ZC3H13: variants seen among roughly 807,000 people sequenced by gnomAD.
ZC3H13 encodes the protein zinc finger CCCH domain-containing protein 13.
In ZC3H13, 64 loss-of-function variants were observed where a neutral mutation model predicts 204.1. The ratio of observed to expected loss-of-function variants is 0.31; its 90% confidence interval spans 0.26 to 0.39. ZC3H13 has a LOEUF of 0.39. Ranked by LOEUF, ZC3H13 falls within the 10% of genes least tolerant of loss-of-function variation. ZC3H13 has a pLI of 1.00. For missense variants in ZC3H13, 1,833 were observed against 2,082.7 expected (o/e 0.88, Z 2.33); for synonymous variants, 667 against 693.7 (o/e 0.96, Z 0.60).
Position 45,988,769 on chromosome 13 carries a change from T to A in ZC3H13, c.1255+18A>T, listed in dbSNP as rs1192457873. 1 of 1,577,016 alleles carries A rather than the reference T, an allele frequency of 6.3e-7. No homozygotes were observed. Among genetic ancestry groups the A allele is most frequent in the East Asian group, 2.3e-5 (1 of 44,354 alleles). ...ATGTTCAATTTTTCAATTAAAAAAA[T>A]CAAAGTACAGTACACACCTTCCCTC... On this transcript the variant is annotated intron_variant, in intron 9 of 18. Transcript: ENST00000679008.
chr13:45,956,394 G>A lies in ZC3H13; in HGVS notation c.*733C>T, dbSNP rs980062959. On this transcript the variant is annotated 3_prime_UTR_variant, in exon 19 of 19. Coordinates refer to ENST00000679008, the MANE Select transcript of ZC3H13 (RefSeq NM_001330564.2). ...GAAACATGTAATGTTGATGACTAAT[G>A]TTCTAGATCATCAGGAATAAGATTA... The A allele has an allele frequency of 1.3e-5, 2 of 152,064 alleles. No homozygotes were observed. Among genetic ancestry groups the A allele is most frequent in the African/African-American group, 4.8e-5 (2 of 41,408 alleles). The allele number at this position is 152,064 out of a possible 1,614,324, so 9.4% of individuals were successfully genotyped here. A position where few individuals can be genotyped will look rare whatever the true frequency, so the allele number is the denominator to read the frequency against.
Position 45,957,314 on chromosome 13 carries a change from A to G in ZC3H13, c.4840-17T>C, listed in dbSNP as rs183934306. 2.9e-4 allele frequency: 422 copies of G among 1,464,290 alleles called. 5 individuals carry two copies. In the East Asian group the frequency reaches 8.1e-3, roughly 28 times the overall value. The allele number at this position is 1,464,290 out of a possible 1,614,324, so 90.7% of individuals were successfully genotyped here. A position where few individuals can be genotyped will look rare whatever the true frequency, so the allele number is the denominator to read the frequency against. On this transcript the variant is annotated splice_polypyrimidine_tract_variant and intron_variant, in intron 18 of 18. Transcript: ENST00000679008. ...TATGGTGCCCTATTTGAAGAAAACA[A>G]AAACAAACTTTAAAAAAGATGTACA...
At chr13:46,044,476 C>A (rs2404732) in intron 3 of ZC3H13, among the ~76,000 whole-genome samples, 117,465 of 152,032 alleles carry the variant, frequency 0.77, 45,753 homozygotes, top group African/African-American at 0.86. Flanking sequence ...CATATAAATA[C>A]ATATTTTCAT....
rs200417953 is a variant in ZC3H13, at chr13:46,003,134, C to G, written c.944+5G>C. On this transcript the variant is annotated splice_donor_5th_base_variant and intron_variant, in intron 8 of 18. Coordinates refer to ENST00000679008, the MANE Select transcript of ZC3H13 (RefSeq NM_001330564.2). Reference sequence around the variant, plus strand: ...ATATTGTTAAAAACATACAATCCTACTTACCTTGGCTTGTCTCTCTTTTCT... The same window carrying G: ...ATATTGTTAAAAACATACAATCCTAGTTACCTTGGCTTGTCTCTCTTTTCT... The G allele has an allele frequency of 2.5e-5, 40 of 1,607,722 alleles. No homozygotes were observed. Among genetic ancestry groups the G allele is most frequent in the Non-Finnish European group, 2.7e-5 (32 of 1,178,862 alleles).
At chr13:46,026,160 A>T (rs1048675003) in intron 4 of ZC3H13, among the ~76,000 whole-genome samples, 5 of 152,156 alleles carry the variant, frequency 3.3e-5, no homozygotes, top group African/African-American at 1.2e-4. Context: ...TTATTGGAGA[A>T]TCTTTTTATG....
intron 4 of ZC3H13, among the ~76,000 whole-genome samples, chr13:46,024,318 T>A (rs188475532): frequency 1.1e-4 from 16 of 152,338 alleles, no homozygotes; most frequent in Middle Eastern, 3.4e-3. Flanking sequence ...TCTTTTTCCA[T>A]CTTCCTGATG....
At chr13:46,045,343 T>A in intron 2 of ZC3H13, 48 bp downstream of exon 2, 1 of 1,457,496 alleles carries the variant, frequency 6.9e-7, no homozygotes, top group Non-Finnish European at 9.6e-7. Flanking sequence ...AGCATTTCAA[T>A]AATAGAATTC....
chr13:46,008,152 C>A (rs889524059), intron 7 of ZC3H13, among the ~76,000 whole-genome samples: 2 of 151,680 alleles, frequency 1.3e-5, no homozygotes, highest in African/African-American at 2.4e-5. Flanking sequence ...GATTATCACA[C>A]CTCAGTTGGC....
At chr13:45,991,396 T>C (rs1451626113) in intron 8 of ZC3H13, among the ~76,000 whole-genome samples, 1 of 152,166 alleles carries the variant, frequency 6.6e-6, no homozygotes, top group Non-Finnish European at 1.5e-5. Flanking sequence ...CACTAATGGG[T>C]TGTCAAATAA....
chr13:45,993,707 GA>G (rs1411654173), intron 8 of ZC3H13, among the ~76,000 whole-genome samples: 1 of 152,144 alleles, frequency 6.6e-6, no homozygotes, highest in Non-Finnish European at 1.5e-5. Flanking sequence ...GCTTCTGTGT[GA>G]TTTGTTTTAC....
intron 8 of ZC3H13, among the ~76,000 whole-genome samples, chr13:45,995,024 A>AAAC (rs1555283780): frequency 2.0e-5 from 3 of 148,962 alleles, no homozygotes; most frequent in African/African-American, 7.4e-5. Context: ...AAAAAAAAAA[A>AAAC]AAAAACGCCA....
At position 45,967,895 on chromosome 13, in the gene ZC3H13, CTCTCTGTCGTGT is replaced by C; in HGVS notation, c.3918_3929del (p.His1307_Glu1310del). Reference sequence around the variant, plus strand: ...TCGTATCTCTCCTCTCTCTCTCGCGCTCTCTGTCGTGTTCATATCGATCTCGTTCTTGAAGCC... The same window carrying C: ...TCGTATCTCTCCTCTCTCTCTCGCGCTCATATCGATCTCGTTCTTGAAGCC... On this transcript the variant is annotated inframe_deletion, in exon 15 of 19. Coordinates refer to ENST00000679008, the MANE Select transcript of ZC3H13 (RefSeq NM_001330564.2). The C allele has an allele frequency of 5.0e-6, 8 of 1,614,072 alleles. No homozygotes were observed. The highest frequency in any genetic ancestry group is 5.9e-6 in the Non-Finnish European group (7 of 1,179,988).
At position 46,052,691 on chromosome 13, in the gene ZC3H13, A is replaced by G; in HGVS notation, c.-297T>C. The G allele has an allele frequency of 2.5e-6, 1 of 398,608 alleles. No individual in the cohort carries two copies. The highest frequency in any genetic ancestry group is 4.4e-6 in the Non-Finnish European group (1 of 226,136). The allele number at this position is 398,608 out of a possible 1,614,324, so 24.7% of individuals were successfully genotyped here. ...TGTAGATTAAGAAAAGGCAACAAAA[A>G]CACTACCAGGCCGCTAGGAGGACCG... On this transcript the variant is annotated 5_prime_UTR_variant, in exon 1 of 19. Coordinates refer to ENST00000679008, the MANE Select transcript of ZC3H13 (RefSeq NM_001330564.2).
rs776312930 is a variant in ZC3H13 at position 45,963,945 on chromosome 13, A to G, written c.4572T>C (p.Pro1524=). The G allele has an allele frequency of 1.9e-6, 3 of 1,614,072 alleles. No individual in the cohort carries two copies. Among genetic ancestry groups the G allele is most frequent in the Non-Finnish European group, 2.5e-6 (3 of 1,180,024 alleles). Residue 1524 remains proline, a synonymous_variant, in exon 17 of 19, where the codon CCT becomes CCC. Coordinates refer to ENST00000679008, the MANE Select transcript of ZC3H13 (RefSeq NM_001330564.2). ...EPGAALLKFT[P]GAVMLRVGIS... ...TCCCAACTCTTAGCATAACAGCTCC[A>G]GGTGTGAATTTTAAGAGTGCAGCCC...
intron 8 of ZC3H13, chr13:46,001,308 T>C (rs1023555793): frequency 3.9e-5 from 6 of 152,084 alleles, no homozygotes; most frequent in African/African-American, 1.4e-4. Context: ...CAAATGAAAA[T>C]AACAGCCCCA....
intron 5 of ZC3H13, among the ~76,000 whole-genome samples, chr13:46,016,103 A>G (rs914187161): frequency 6.6e-6 from 1 of 152,156 alleles, no homozygotes; most frequent in Non-Finnish European, 1.5e-5. Context: ...TAGAACAGCT[A>G]TGATGAAAAA....
At position 45,969,148 on chromosome 13, in the gene ZC3H13, TGTGCTGAAAGAG is replaced by T. The variant is rs1952353837; in HGVS notation, c.3384_3395del (p.Phe1130_Ser1133del). 6.8e-6 allele frequency: 11 copies of T among 1,613,988 alleles called. No individual in the cohort carries two copies. The highest frequency in any genetic ancestry group is 9.3e-6 in the Non-Finnish European group (11 of 1,180,020). On this transcript the variant is annotated inframe_deletion, in exon 14 of 19. Coordinates refer to ENST00000679008, the MANE Select transcript of ZC3H13 (RefSeq NM_001330564.2). ...CAGAGGTGGAAATAGTGATGGCAGA[TGTGCTGAAAGAG>T]GTGGCGGCAGCAGCAGTAGTGGCAG...
In ZC3H13 at chr13:45,978,410, TAAAATA is replaced by T. The variant is rs530823115; in HGVS notation, c.1912+1397_1912+1402del. Among the ~76,000 whole-genome samples, 357 of 152,188 alleles carry T rather than the reference TAAAATA, an allele frequency of 2.3e-3. 4 individuals carry two copies. Among genetic ancestry groups the T allele is most frequent in the African/African-American group, 8.0e-3 (332 of 41,550 alleles). The stretch of plus-strand genomic sequence containing the variant: ...ATTATTGAAGTAGTTACAGTAAAAT[TAAAATA>T]GAGAACTGAACTTCTGGTCAGAAGA... On this transcript the variant is annotated intron_variant, in intron 11 of 18. Transcript: ENST00000679008.
intron 1 of ZC3H13, among the ~76,000 whole-genome samples, chr13:46,049,925 A>G (rs2044281023): frequency 6.6e-6 from 1 of 152,096 alleles, no homozygotes; most frequent in Admixed American, 6.6e-5. Flanking sequence ...GTTTTCCTCC[A>G]TTTTTGTTTT....
Sources: allele counts gnomAD v4.1 joint callset (sites outside exome capture counted in the v4.1 genomes callset), GRCh38; gene constraint gnomAD v4.1.1; transcripts MANE v1.5; gene names NCBI Gene and HGNC (gene_info 2026-07-23, HGNC 2026-07-21).